Variants in ANKRD30A observed in about 807,000 individuals in gnomAD.
ANKRD30A encodes ankyrin repeat domain 30A, also known as ankyrin repeat domain-containing protein 30A.
A neutral mutation model predicts 166.3 loss-of-function variants in ANKRD30A; 170 were observed. The ratio of observed to expected loss-of-function variants is 1.02; its 90% confidence interval spans 0.90 to 1.16. ANKRD30A has a LOEUF of 1.16. ANKRD30A is among the 50% of genes most tolerant of loss of function. The probability of loss-of-function intolerance (pLI) is 0.00; values close to 1 mark genes in which losing one functional copy is unlikely to be tolerated. For missense variants in ANKRD30A, 1,630 were observed against 1,518.0 expected, an observed-to-expected ratio of 1.07 and a Z score of -1.23; for synonymous variants, 564 against 508.9, an observed-to-expected ratio of 1.11 and a Z score of -1.46.
the ANKRD30A span, among the ~76,000 whole-genome samples, chr10:37,247,773 T>A: frequency 6.7e-6 from 1 of 148,456 alleles, no homozygotes; most frequent in Non-Finnish European, 1.5e-5. Context: ...TCCCAGCTAC[T>A]CCGGAGGCTG....
chr10:37,165,526 T>C (rs1344205076), intron 18 of ANKRD30A, among the ~76,000 whole-genome samples: 3 of 152,148 alleles, frequency 2.0e-5, no homozygotes, highest in African/African-American at 7.2e-5. Flanking sequence ...GTTCTAATTG[T>C]ATTCATAGAG....
At chr10:37,204,066 A>G (rs1020060246) in intron 31 of ANKRD30A, among the ~76,000 whole-genome samples, 2 of 152,220 alleles carry the variant, frequency 1.3e-5, no homozygotes, top group Non-Finnish European at 2.9e-5. Context: ...ATACTGCCCA[A>G]GGTAATTTAT....
At chr10:37,205,265 AG>A (rs749315968) in intron 31 of ANKRD30A, among the ~76,000 whole-genome samples, 25 of 152,172 alleles carry the variant, frequency 1.6e-4, no homozygotes, top group Non-Finnish European at 2.2e-4. Context: ...AATTCTCTGC[AG>A]CCATAAAAAA....
At chr10:37,193,385 T>C in intron 27 of ANKRD30A, 127 bp downstream of exon 27, 1 of 1,239,626 alleles carries the variant, frequency 8.1e-7, no homozygotes, top group South Asian at 1.6e-5. Flanking sequence ...ATACAAATAA[T>C]GCCAATGTGA....
chr10:37,148,360 A>G (rs565687010), intron 9 of ANKRD30A, among the ~76,000 whole-genome samples: 1 of 152,286 alleles, frequency 6.6e-6, no homozygotes, highest in South Asian at 2.1e-4. Context: ...GAAACAAATT[A>G]TAAATTTAAG....
chr10:37,184,044 T>C (rs1262597886), intron 24 of ANKRD30A, among the ~76,000 whole-genome samples: 9 of 151,634 alleles, frequency 5.9e-5, no homozygotes, highest in African/African-American at 2.2e-4. Context: ...TCTCAGGCGA[T>C]GCTGCTGCTG....
intron 15 of ANKRD30A, among the ~76,000 whole-genome samples, chr10:37,160,249 A>C (rs1157237394): frequency 1.3e-5 from 2 of 152,194 alleles, no homozygotes; most frequent in African/African-American, 4.8e-5. Context: ...TGCTTCATCC[A>C]CTGTTAGAAA....
chr10:37,183,582 T>C (rs2132643513), intron 24 of ANKRD30A, among the ~76,000 whole-genome samples: 1 of 147,272 alleles, frequency 6.8e-6, no homozygotes, highest in African/African-American at 2.5e-5. Context: ...ATTCATTCTG[T>C]GTCTCATGGC....
At chr10:37,144,799 A>G (rs1837384121) in intron 7 of ANKRD30A, among the ~76,000 whole-genome samples, 196 bp from the exon 8 acceptor site, 1 of 144,242 alleles carries the variant, frequency 6.9e-6, no homozygotes, top group African/African-American at 2.5e-5. Context: ...TAATGAATAT[A>G]AAATTAATTT....
intron 15 of ANKRD30A, among the ~76,000 whole-genome samples, 188 bp downstream of exon 15, chr10:37,158,774 G>GA (rs112109211): frequency 1.7e-4 from 26 of 151,998 alleles, no homozygotes; most frequent in Admixed American, 2.6e-4. Flanking sequence ...TAGAGATTTA[G>GA]AAAAAAAATT....
intron 1 of ANKRD30A, among the ~76,000 whole-genome samples, chr10:37,129,520 A>G (rs181971307): frequency 2.2e-4 from 33 of 152,330 alleles, no homozygotes; most frequent in Admixed American, 3.9e-4. Flanking sequence ...AATACTTTGC[A>G]TAGATTCCCA....
At chr10:37,167,287 A>ATAT (rs1839428769) in intron 19 of ANKRD30A, among the ~76,000 whole-genome samples, 1 of 126,704 alleles carries the variant, frequency 7.9e-6, no homozygotes, top group African/African-American at 3.5e-5. Context: ...TGAGGCGTCA[A>ATAT]ATATATATAT....
chr10:37,243,196 A>C, the ANKRD30A span, among the ~76,000 whole-genome samples: 1,396 of 146,958 alleles, frequency 9.5e-3, 27 homozygotes, highest in African/African-American at 0.033. Context: ...GTGCAGTGGC[A>C]CGATCTCGGC....
At position 37,201,224 on chromosome 10, in the gene ANKRD30A, A is replaced by G; in HGVS notation, c.2779-11A>G. 1 of 1,512,956 alleles carries G rather than the reference A, an allele frequency of 6.6e-7. No homozygotes were observed. Among genetic ancestry groups the G allele is most frequent in the Non-Finnish European group, 8.9e-7 (1 of 1,125,996 alleles). 93.7% of individuals were successfully genotyped at this position (1,512,956 alleles called of 1,614,324 possible). A position where few individuals can be genotyped will look rare whatever the true frequency, so the allele number is the denominator to read the frequency against. On this transcript the variant is annotated splice_polypyrimidine_tract_variant and intron_variant, in intron 30 of 35. Coordinates refer to ENST00000361713, the MANE Select transcript of ANKRD30A (RefSeq NM_052997.3). Reference sequence around the variant, plus strand: ...TCCATTGAAATTATTTATTGATATTACTTTTAACAGAGTCTCCGTGAGACT... The same window carrying G: ...TCCATTGAAATTATTTATTGATATTGCTTTTAACAGAGTCTCCGTGAGACT...
downstream of ANKRD30A, among the ~76,000 whole-genome samples, chr10:37,235,742 T>C (rs1843641984): frequency 6.6e-6 from 1 of 151,762 alleles, no homozygotes. Context: ...ACTATTGTGA[T>C]TGATTTCACT....
At position 37,216,290 on chromosome 10, in the gene ANKRD30A, A is replaced by G. The variant is rs1363937482; in HGVS notation, c.2979A>G (p.Lys993=). 1 of 1,609,096 alleles carries G rather than the reference A, an allele frequency of 6.2e-7. No individual in the cohort carries two copies. Among genetic ancestry groups the G allele is most frequent in the Admixed American group, 1.7e-5 (1 of 59,608 alleles). The part of the protein sequence containing the change: ...EQRTGKMEQM[K]KKFCVLKKKL... ...GTACAGGAAAAATGGAACAAATGAA[A>G]AAGAAGTTTTGTGTACTGAAAAAGA... is the stretch of plus-strand genomic sequence containing the variant. Residue 993 remains lysine, a synonymous_variant, in exon 32 of 36, where the codon AAA becomes AAG. Transcript: ENST00000361713.
chr10:37,260,024 A>G, the ANKRD30A span, among the ~76,000 whole-genome samples: 7 of 152,020 alleles, frequency 4.6e-5, no homozygotes, highest in Non-Finnish European at 7.4e-5. Context: ...CTGAAGAAAC[A>G]TGAGTGGCCG....
At chr10:37,153,470 A>T in intron 12 of ANKRD30A, 102 bp from the exon 13 acceptor site, 3 of 1,550,744 alleles carry the variant, frequency 1.9e-6, no homozygotes, top group Non-Finnish European at 2.6e-6. Context: ...TTTGCAAAGG[A>T]GGAAATTGTG....
intron 3 of ANKRD30A, among the ~76,000 whole-genome samples, chr10:37,130,909 A>G (rs1257222915): frequency 2.0e-5 from 3 of 152,196 alleles, no homozygotes; most frequent in Non-Finnish European, 4.4e-5. Context: ...TACTTCAGTT[A>G]TCAATTCCTC....
Sources: allele counts gnomAD v4.1 joint callset (sites outside exome capture counted in the v4.1 genomes callset), GRCh38; gene constraint gnomAD v4.1.1; transcripts MANE v1.5; gene names NCBI Gene and HGNC (gene_info 2026-07-23, HGNC 2026-07-21).